The following FAM13B variants were observed in gnomAD, a reference collection of about 807,000 sequenced individuals.
FAM13B encodes family with sequence similarity 13 member B.
FAM13B carries 60 observed loss-of-function variants against 117.3 expected under a neutral mutation model. The ratio of observed to expected loss-of-function variants is 0.51; its 90% confidence interval spans 0.42 to 0.63. FAM13B has a LOEUF of 0.63. Ranked by LOEUF, FAM13B falls within the 30% of genes least tolerant of loss-of-function variation. FAM13B has a pLI of 0.00. For synonymous variants in FAM13B, 332 were observed against 356.1 expected (o/e 0.93, Z 0.76); for missense variants, 972 against 1,091.9 (o/e 0.89, Z 1.55).
intron 1 of FAM13B, among the ~76,000 whole-genome samples, chr5:138,027,354 G>A (rs1788697053): frequency 6.6e-6 from 1 of 152,206 alleles, no homozygotes; most frequent in Non-Finnish European, 1.5e-5. Flanking sequence ...CCAGCAGGAA[G>A]CTGGGTCTCA....
intron 14 of FAM13B, 121 bp from the exon 15 acceptor site, chr5:137,954,497 TAC>T: frequency 3.5e-6 from 2 of 578,534 alleles, no homozygotes; most frequent in South Asian, 4.2e-5. Flanking sequence ...CATATATACA[TAC>T]ACACATACAC....
chr5:138,024,278 C>A (rs963369827), intron 1 of FAM13B, among the ~76,000 whole-genome samples: 1 of 151,904 alleles, frequency 6.6e-6, no homozygotes, highest in African/African-American at 2.4e-5. Flanking sequence ...ATGACTCATG[C>A]CCTTATAAGA....
At chr5:138,032,498 G>A (rs187588045) in intron 1 of FAM13B, among the ~76,000 whole-genome samples, 19 of 152,328 alleles carry the variant, frequency 1.2e-4, no homozygotes, top group African/African-American at 4.3e-4. Flanking sequence ...TGGAGGGGCT[G>A]GAGGTGAGGG....
intron 6 of FAM13B, among the ~76,000 whole-genome samples, chr5:138,010,289 CATGTT>C (rs1366711380): frequency 3.9e-5 from 6 of 152,256 alleles, no homozygotes; most frequent in African/African-American, 1.2e-4. Context: ...CCTATTTTAA[CATGTT>C]ATATCACACT....
upstream of FAM13B, among the ~76,000 whole-genome samples, chr5:138,033,365 A>T (rs1331797572): frequency 6.6e-6 from 1 of 152,354 alleles, no homozygotes; most frequent in Admixed American, 6.5e-5. Flanking sequence ...TCCGGAACAC[A>T]GAGATCGCTT....
chr5:137,988,460 G>C, intron 7 of FAM13B, 145 bp from the exon 8 acceptor site: 1 of 600,738 alleles, frequency 1.7e-6, no homozygotes, highest in Non-Finnish European at 2.9e-6. Context: ...ATATCAAGTT[G>C]GAAATATTTT....
intron 10 of FAM13B, among the ~76,000 whole-genome samples, chr5:137,981,142 T>C (rs1300770088): frequency 6.8e-6 from 1 of 146,098 alleles, no homozygotes; most frequent in Non-Finnish European, 1.5e-5. Context: ...CTCCTTACAT[T>C]GCACAGGCAG....
chr5:137,946,342 C>CAAA (rs752211644), intron 18 of FAM13B, 31 bp from the exon 19 acceptor site: 73 of 919,074 alleles, frequency 7.9e-5, no homozygotes, highest in East Asian at 1.3e-4. Flanking sequence ...TAACAAAATA[C>CAAA]AAAAAAAAAA....
In FAM13B at chr5:137,976,457, A is replaced by C. The variant is rs375248566; in HGVS notation, c.1179+8800T>G. 2.6e-5 allele frequency among the ~76,000 whole-genome samples: 4 copies of C among 152,156 alleles called. No individual in the cohort carries two copies. In the East Asian group the frequency reaches 7.7e-4, roughly 29 times the overall value. On this transcript the variant is annotated intron_variant, in intron 10 of 23. Transcript: ENST00000689681. ...TTTTTGCTTAAATTATTTGATTATA[A>C]ATCAGAGAAACTGTTGGAAACCTAA...
rs1325989929 is a variant in FAM13B at position 137,985,367 on chromosome 5, T to C, written c.1069A>G (p.Ile357Val). 3 of 1,613,886 alleles carry C rather than the reference T, an allele frequency of 1.9e-6. No individual in the cohort carries two copies. Among genetic ancestry groups the C allele is most frequent in the African/African-American group, 2.7e-5 (2 of 75,058 alleles). The change falls in exon 10 of 24, where the codon ATT becomes GTT. Residue 357 changes from isoleucine to valine, a missense_variant. Coordinates refer to ENST00000689681, the MANE Select transcript of FAM13B (RefSeq NM_001385994.1). ...NNQIDIADDI[I>V]NASESNRDCS... The stretch of plus-strand genomic sequence containing the variant: ...TCTCTGTTACTTTCACTGGCATTAA[T>C]AATATCATCAGCAATATCAATCCTA...
chr5:138,029,326 TTTTG>T (rs1265655644), intron 1 of FAM13B, among the ~76,000 whole-genome samples: 1 of 152,198 alleles, frequency 6.6e-6, no homozygotes, highest in African/African-American at 2.4e-5. Context: ...TCAGTGAAAA[TTTTG>T]TTTAAAATGT....
At chr5:138,050,369 G>A (rs373338664) in intron 1 of FAM13B, among the ~76,000 whole-genome samples, 10 of 152,198 alleles carry the variant, frequency 6.6e-5, no homozygotes, top group Admixed American at 2.0e-4. Context: ...CCCGGGAGGC[G>A]GAGGTTGCAG....
chr5:138,044,273 C>T (rs572287750), intron 1 of FAM13B, among the ~76,000 whole-genome samples: 1 of 151,906 alleles, frequency 6.6e-6, no homozygotes, highest in African/African-American at 2.4e-5. Flanking sequence ...GATAATAGGC[C>T]GGGCGCTGTG....
At chr5:137,972,799 T>A (rs1304481596) in intron 10 of FAM13B, among the ~76,000 whole-genome samples, 35 of 151,988 alleles carry the variant, frequency 2.3e-4, no homozygotes, top group Non-Finnish European at 7.4e-5. Context: ...AATCACAAGC[T>A]TTCTTATACA....
In FAM13B at chr5:137,945,553, A is replaced by AT. The variant is rs138045151; in HGVS notation, c.2340+348dup. ...GAAAGAAACTAGACAAGGAGTCTGA[A>AT]TGAGTTTCCCATTCTGCTTCTGTCA... is the stretch of plus-strand genomic sequence containing the variant. On this transcript the variant is annotated intron_variant, in intron 20 of 23. Transcript: ENST00000689681. 2.6e-4 allele frequency among the ~76,000 whole-genome samples: 39 copies of AT among 152,374 alleles called. No homozygotes were observed. The East Asian group carries it at 7.3e-3, about 29-fold the overall frequency.
Position 137,956,538 on chromosome 5 carries a change from T to C in FAM13B, c.1446A>G (p.Ser482=), listed in dbSNP as rs1766609796. 1 of 1,591,480 alleles carries C rather than the reference T, an allele frequency of 6.3e-7. No individual in the cohort carries two copies. The highest frequency in any genetic ancestry group is 1.3e-5 in the African/African-American group (1 of 74,604). Residue 482 remains serine, a synonymous_variant, in exon 14 of 24, where the codon TCA becomes TCG. Coordinates refer to ENST00000689681, the MANE Select transcript of FAM13B (RefSeq NM_001385994.1). The stretch of plus-strand genomic sequence containing the variant: ...CAATGAGGGGAAAAGTGATAGGGCA[T>C]GACGCTAATAAAATGGAAAAAATGG... ...NVSDGDKWEA[S]CPITFPLIDF...
intron 7 of FAM13B, among the ~76,000 whole-genome samples, chr5:138,005,190 T>C (rs1026263018): frequency 6.6e-6 from 1 of 152,222 alleles, no homozygotes; most frequent in South Asian, 2.1e-4. Flanking sequence ...TGAGCCGAGA[T>C]TGTGCCATTG....
At chr5:137,969,574 C>T (rs961087935) in intron 10 of FAM13B, among the ~76,000 whole-genome samples, 12 of 152,350 alleles carry the variant, frequency 7.9e-5, no homozygotes, top group African/African-American at 2.9e-4. Context: ...CAAAGGAACG[C>T]AGTTCCTCAC....
intron 7 of FAM13B, among the ~76,000 whole-genome samples, chr5:138,000,802 A>G (rs1225011939): frequency 6.6e-6 from 1 of 152,028 alleles, no homozygotes; most frequent in Non-Finnish European, 1.5e-5. Flanking sequence ...GTGGTGGCGC[A>G]CATCTGTGGA....
Sources: allele counts gnomAD v4.1 joint callset (sites outside exome capture counted in the v4.1 genomes callset), GRCh38; gene constraint gnomAD v4.1.1; transcripts MANE v1.5; gene names NCBI Gene and HGNC (gene_info 2026-07-23, HGNC 2026-07-21).